Variants in GLDN observed in about 807,000 individuals in gnomAD.
The protein encoded by GLDN is collomin.
GLDN carries 47 observed loss-of-function variants against 56.5 expected under a neutral mutation model. The observed-to-expected ratio is 0.83, with a 90% CI of 0.66 to 1.06. GLDN has a LOEUF of 1.06. GLDN is among the 50% of genes least tolerant of loss of function. The pLI is 0.00. For synonymous variants in GLDN, 332 were observed against 278.8 expected (o/e 1.19, Z -1.90); for missense variants, 782 against 714.3 (o/e 1.09, Z -1.08).
intron 9 of GLDN, 54 bp from the exon 10 acceptor site, chr15:51,404,223 C>A: frequency 1.4e-6 from 2 of 1,381,462 alleles, no homozygotes; most frequent in Non-Finnish European, 2.0e-6. Flanking sequence ...TAATAAACCA[C>A]CTGTCCACAG....
chr15:51,374,740 T>TA (rs1001064288), intron 1 of GLDN, among the ~76,000 whole-genome samples: 5 of 146,008 alleles, frequency 3.4e-5, no homozygotes, highest in African/African-American at 1.2e-4. Context: ...CTTTTCCTTT[T>TA]TTTTTTTTTT....
rs1239948608 is a variant in GLDN at position 51,384,214 on chromosome 15, G to A, written c.541+322G>A. On this transcript the variant is annotated intron_variant, in intron 4 of 9. Transcript: ENST00000335449. ...TTCTGTGGGCCGTGTGACAGCTGGT[G>A]CTGGTGCATGCTCTTTCGAGGCTCA... The A allele has an allele frequency of 1.1e-5, 4 of 354,490 alleles. No individual in the cohort carries two copies. The East Asian group carries it at 2.4e-4, about 21-fold the overall frequency. The allele number at this position is 354,490 out of a possible 1,614,324, so 22.0% of individuals were successfully genotyped here. A position where few individuals can be genotyped will look rare whatever the true frequency, so the allele number is the denominator to read the frequency against.
At chr15:51,370,507 C>T (rs1213903800) in intron 1 of GLDN, among the ~76,000 whole-genome samples, 1 of 152,030 alleles carries the variant, frequency 6.6e-6, no homozygotes, top group Non-Finnish European at 1.5e-5. Flanking sequence ...TGTTCATTTG[C>T]CTAGAAACAA....
In GLDN at chr15:51,406,817, T is replaced by C. The variant is rs1365803141; in HGVS notation, c.*2063T>C. The C allele has an allele frequency of 6.6e-6, 1 of 152,210 alleles. No homozygotes were observed. The highest frequency in any genetic ancestry group is 1.5e-5 in the Non-Finnish European group (1 of 68,030). The allele number at this position is 152,210 out of a possible 1,614,324, so 9.4% of individuals were successfully genotyped here. On this transcript the variant is annotated 3_prime_UTR_variant, in exon 10 of 10. Coordinates refer to ENST00000335449, the MANE Select transcript of GLDN (RefSeq NM_181789.4). ...GGTTGTACCATGTCACCTTAGCTTT[T>C]AAAAATACTCTTTTCAGATTCACGT... is the stretch of plus-strand genomic sequence containing the variant.
At chr15:51,349,742 A>ATTTT (rs11424647) in intron 1 of GLDN, among the ~76,000 whole-genome samples, 2 of 141,284 alleles carry the variant, frequency 1.4e-5, no homozygotes, top group Non-Finnish European at 3.1e-5. Context: ...ACTAGGGCTG[A>ATTTT]TTTTTTTTTT....
intron 4 of GLDN, among the ~76,000 whole-genome samples, chr15:51,394,004 A>G (rs2038072968): frequency 6.6e-6 from 1 of 152,224 alleles, no homozygotes; most frequent in Non-Finnish European, 1.5e-5. Flanking sequence ...AGAAAAGGGC[A>G]TTGGAGATGG....
At chr15:51,370,179 G>A (rs1309300589) in intron 1 of GLDN, among the ~76,000 whole-genome samples, 2 of 152,142 alleles carry the variant, frequency 1.3e-5, no homozygotes, top group African/African-American at 2.4e-5. Context: ...AGCAAGCTAG[G>A]TGAGCCTAAA....
chr15:51,348,891 T>C (rs777969469), intron 1 of GLDN, among the ~76,000 whole-genome samples: 3 of 152,232 alleles, frequency 2.0e-5, no homozygotes, highest in Non-Finnish European at 4.4e-5. Flanking sequence ...TGCCTTTATT[T>C]ACCAGCCTGA....
chr15:51,358,924 G>A (rs1228843331), intron 1 of GLDN, among the ~76,000 whole-genome samples: 1 of 152,140 alleles, frequency 6.6e-6, no homozygotes, highest in East Asian at 1.9e-4. Flanking sequence ...ATGGAGTGAA[G>A]TGCCATATAT....
At chr15:51,380,442 C>T (rs908395986) in intron 2 of GLDN, among the ~76,000 whole-genome samples, 1 of 152,244 alleles carries the variant, frequency 6.6e-6, no homozygotes, top group African/African-American at 2.4e-5. Context: ...TTCTAAACAC[C>T]CAGTTGGCAC....
chr15:51,370,237 C>T (rs2037488734), intron 1 of GLDN, among the ~76,000 whole-genome samples: 1 of 152,204 alleles, frequency 6.6e-6, no homozygotes. Flanking sequence ...CATCCCTCCT[C>T]CCCACATCCT....
chr15:51,382,285 T>C (rs146793811), intron 2 of GLDN, among the ~76,000 whole-genome samples: 11 of 152,266 alleles, frequency 7.2e-5, no homozygotes, highest in African/African-American at 2.6e-4. Context: ...AGCTCTCTCA[T>C]ACTGCATTAT....
chr15:51,384,415 G>T (rs2037843564), intron 4 of GLDN: 2 of 179,350 alleles, frequency 1.1e-5, no homozygotes, highest in African/African-American at 2.4e-5. Context: ...AGGTCAAAGG[G>T]TCTCCTCTTC....
chr15:51,403,580 C>A (rs1447107216), intron 9 of GLDN, among the ~76,000 whole-genome samples: 1 of 152,182 alleles, frequency 6.6e-6, no homozygotes, highest in African/African-American at 2.4e-5. Flanking sequence ...TCAAATCATA[C>A]AGCCTCCAGG....
chr15:51,355,699 AT>A (rs1315144153), intron 1 of GLDN, among the ~76,000 whole-genome samples: 2 of 149,728 alleles, frequency 1.3e-5, no homozygotes, highest in Middle Eastern at 3.4e-3. Context: ...AATCTTTTGT[AT>A]TTTTAGTAGA....
chr15:51,410,861 C>A (rs1252674254), downstream of GLDN, among the ~76,000 whole-genome samples: 1 of 152,162 alleles, frequency 6.6e-6, no homozygotes, highest in African/African-American at 2.4e-5. Context: ...CAGGTATGAT[C>A]CCAGAAAGAA....
At chr15:51,353,714 T>TAAAAA (rs1555401993) in intron 1 of GLDN, among the ~76,000 whole-genome samples, 4 of 72,152 alleles carry the variant, frequency 5.5e-5, no homozygotes, top group African/African-American at 8.8e-5. Flanking sequence ...CGGATTTGAT[T>TAAAAA]AAAAAAAAAA....
At chr15:51,348,040 C>A (rs2037008941) in intron 1 of GLDN, among the ~76,000 whole-genome samples, 1 of 152,152 alleles carries the variant, frequency 6.6e-6, no homozygotes, top group Admixed American at 6.6e-5. Context: ...GAGGAATGAA[C>A]CCCTCACTGT....
intron 4 of GLDN, chr15:51,384,357 C>G (rs1595827235): frequency 4.9e-6 from 1 of 204,668 alleles, no homozygotes; most frequent in African/African-American, 2.4e-5. Flanking sequence ...ATAGCTCAAA[C>G]TGCTTGAGTG....
Sources: allele counts gnomAD v4.1 joint callset (sites outside exome capture counted in the v4.1 genomes callset), GRCh38; gene constraint gnomAD v4.1.1; transcripts MANE v1.5; gene names NCBI Gene and HGNC (gene_info 2026-07-23, HGNC 2026-07-21).